The following TMEM266 variants were observed in gnomAD, a reference collection of about 807,000 sequenced individuals.
The protein encoded by TMEM266 is transmembrane protein 266.
A neutral mutation model predicts 50.5 loss-of-function variants in TMEM266; 33 were observed. That is an observed-to-expected ratio of 0.65 (90% CI 0.50 to 0.87). The LOEUF is 0.87. TMEM266 is among the 40% of genes least tolerant of loss of function. The pLI, the probability that TMEM266 is intolerant of heterozygous loss-of-function variation, is 0.00. For missense variants in TMEM266, 655 were observed against 695.1 expected (o/e 0.94, Z 0.65); for synonymous variants, 310 against 292.3 (o/e 1.06, Z -0.62).
At chr15:76,177,614 C>T (rs2038308606) in intron 8 of TMEM266, among the ~76,000 whole-genome samples, 1 of 152,254 alleles carries the variant, frequency 6.6e-6, no homozygotes, top group African/African-American at 2.4e-5. Flanking sequence ...GGGGACATGG[C>T]CCTCAGGGGC....
rs2038021195 is a variant in TMEM266, at chr15:76,161,726, A to G, written c.456+1558A>G. ...CACCTCCCTGAGACCATTGCCCTGGAGGTGCCTCTGCCCCGCAGAGCAGAG... is the reference window on the plus strand; with the variant it reads ...CACCTCCCTGAGACCATTGCCCTGGGGGTGCCTCTGCCCCGCAGAGCAGAG... On this transcript the variant is annotated intron_variant, in intron 5 of 10. Coordinates refer to ENST00000388942, the MANE Select transcript of TMEM266 (RefSeq NM_152335.3). The surrounding 1 kb of genome is among the most constrained non-coding windows in gnomAD (Gnocchi z 4.1). Among the ~76,000 whole-genome samples, 1 of 152,108 alleles carries G rather than the reference A, an allele frequency of 6.6e-6. No individual in the cohort carries two copies. Among genetic ancestry groups the G allele is most frequent in the South Asian group, 2.1e-4 (1 of 4,830 alleles).
rs762073620 is a variant in TMEM266 at position 76,204,075 on chromosome 15, C to T, written c.1356C>T (p.Cys452=). The T allele has an allele frequency of 6.2e-7, 1 of 1,612,566 alleles. No individual in the cohort carries two copies. Among genetic ancestry groups the T allele is most frequent in the African/African-American group, 1.3e-5 (1 of 75,010 alleles). The change falls in exon 11 of 11, where the codon TGC becomes TGT. Residue 452 remains cysteine (C), a synonymous_variant. Coordinates refer to ENST00000388942, the MANE Select transcript of TMEM266 (RefSeq NM_152335.3). ...TGTCCTCCCTGTCGGAGGACCCCTG[C>T]CCTTCCCAGAAGGCCTTGGACCCAG...
chr15:76,171,282 C>G, intron 7 of TMEM266, 151 bp downstream of exon 7: 1 of 1,135,374 alleles, frequency 8.8e-7, no homozygotes, highest in Non-Finnish European at 1.2e-6. Flanking sequence ...GCTGTCCCTG[C>G]TCACTCGCCA....
chr15:76,105,004 G>A (rs2037059690), intron 1 of TMEM266, among the ~76,000 whole-genome samples: 1 of 152,150 alleles, frequency 6.6e-6, no homozygotes, highest in Admixed American at 6.6e-5. Context: ...TGGATCACGA[G>A]GTCAGGTTCA....
At chr15:76,084,719 A>C (rs990810585) in intron 1 of TMEM266, among the ~76,000 whole-genome samples, 1 of 148,846 alleles carries the variant, frequency 6.7e-6, no homozygotes, top group Non-Finnish European at 1.5e-5. Context: ...TTCTGCCTCA[A>C]CCTCCCGAGT....
At chr15:76,182,890 G>A (rs2038437755) in intron 8 of TMEM266, among the ~76,000 whole-genome samples, 2 of 152,060 alleles carry the variant, frequency 1.3e-5, no homozygotes, top group South Asian at 4.2e-4. Flanking sequence ...CCATTTCCCT[G>A]CGCCAGAAAG....
Position 76,163,624 on chromosome 15 carries a change from G to A in TMEM266, c.456+3456G>A, listed in dbSNP as rs11072575. ...TGAGGCCAGGCCCAGCTGGCCACTT[G>A]GAACTGGGAAGCCTGCTGCTCCTCC... On this transcript the variant is annotated intron_variant, in intron 5 of 10. Transcript: ENST00000388942. Among the ~76,000 whole-genome samples, 1,190 of 152,310 alleles carry A rather than the reference G, an allele frequency of 7.8e-3. 12 individuals carry two copies. Among genetic ancestry groups the A allele is most frequent in the African/African-American group, 0.027 (1,132 of 41,576 alleles).
chr15:76,127,121 CAAAA>C (rs2037435684), intron 1 of TMEM266, among the ~76,000 whole-genome samples: 1 of 151,824 alleles, frequency 6.6e-6, no homozygotes, highest in African/African-American at 2.4e-5. Context: ...TACTACCAAA[CAAAA>C]AAGGTAATTA....
intron 1 of TMEM266, among the ~76,000 whole-genome samples, chr15:76,060,854 A>G (rs1024201666): frequency 2.0e-5 from 3 of 152,188 alleles, no homozygotes; most frequent in Admixed American, 6.5e-5. Flanking sequence ...TGAGCTAGCA[A>G]TAGGCCCATA....
At chr15:76,123,727 G>C (rs1007136900) in intron 1 of TMEM266, among the ~76,000 whole-genome samples, 6 of 145,246 alleles carry the variant, frequency 4.1e-5, no homozygotes, top group Non-Finnish European at 5.9e-5. Context: ...TTTTTTTTGA[G>C]ATGGAGTCTT....
chr15:76,183,870 T>A (rs1215175644), intron 8 of TMEM266, among the ~76,000 whole-genome samples: 2 of 152,134 alleles, frequency 1.3e-5, no homozygotes, highest in African/African-American at 4.8e-5. Context: ...CCCCCCTCCA[T>A]CCCCTTCGCT....
chr15:76,200,805 A>C (rs1158949526), intron 9 of TMEM266, among the ~76,000 whole-genome samples: 2 of 152,198 alleles, frequency 1.3e-5, no homozygotes, highest in East Asian at 3.9e-4. Context: ...GATGAGGAGC[A>C]GGGCCTGGAG....
Position 76,192,063 on chromosome 15 carries a change from C to T in TMEM266, c.864C>T (p.Ser288=). Residue 288 remains serine (S), a synonymous_variant, in exon 9 of 11, where the codon AGC becomes AGT. Transcript: ENST00000388942. ...CGCTCCAGGCCCCGCACGTGCTCAG[C>T]CAGCCGCGCAGCCGCTTCAAAGTGT... The T allele has an allele frequency of 2.0e-6, 3 of 1,502,278 alleles. No homozygotes were observed. Among genetic ancestry groups the T allele is most frequent in the Non-Finnish European group, 2.7e-6 (3 of 1,131,932 alleles). 93.1% of individuals were successfully genotyped at this position (1,502,278 alleles called of 1,614,324 possible). A position where few individuals can be genotyped will look rare whatever the true frequency, so the allele number is the denominator to read the frequency against.
chr15:76,169,695 G>A (rs2038157344), intron 5 of TMEM266, 121 bp from the exon 6 acceptor site: 3 of 1,122,588 alleles, frequency 2.7e-6, no homozygotes, highest in South Asian at 2.7e-5. Flanking sequence ...ATGCTTAGTG[G>A]ATGGCGGAGA....
chr15:76,126,601 G>A (rs1342119766), intron 1 of TMEM266, among the ~76,000 whole-genome samples: 5 of 151,008 alleles, frequency 3.3e-5, no homozygotes, highest in East Asian at 1.9e-4. Context: ...GCATGATCTC[G>A]GCTCACTGCA....
intron 1 of TMEM266, among the ~76,000 whole-genome samples, chr15:76,096,575 A>G (rs931501964): frequency 6.6e-6 from 1 of 152,000 alleles, no homozygotes; most frequent in African/African-American, 2.4e-5. Flanking sequence ...AGAAGAATGT[A>G]TATTCTGTTG....
chr15:76,130,535 C>T (rs1477377105), intron 1 of TMEM266, among the ~76,000 whole-genome samples: 1 of 152,228 alleles, frequency 6.6e-6, no homozygotes, highest in Non-Finnish European at 1.5e-5. Flanking sequence ...GAAACTGTGT[C>T]TCAAAGAAGA....
At chr15:76,060,643 G>A (rs1239385047) in intron 1 of TMEM266, among the ~76,000 whole-genome samples, 1 of 152,206 alleles carries the variant, frequency 6.6e-6, no homozygotes, top group Non-Finnish European at 1.5e-5. Flanking sequence ...TAACTTGCCA[G>A]GGAGGCTTAA....
intron 1 of TMEM266, among the ~76,000 whole-genome samples, chr15:76,102,167 T>C (rs781589418): frequency 3.9e-5 from 6 of 152,192 alleles, no homozygotes; most frequent in Non-Finnish European, 8.8e-5. Flanking sequence ...CTTCTTATAC[T>C]CTTCCTCACT....
Sources: gnomAD v4.1 joint callset for allele counts (sites outside exome capture counted in the v4.1 genomes callset) on GRCh38, gnomAD v4.1.1 for gene constraint, Gnocchi (gnomAD v3.1) non-coding constraint, MANE v1.5 for transcripts, NCBI Gene and HGNC (gene_info 2026-07-23, HGNC 2026-07-21) for gene names.